Variants in NPHP1 observed in about 807,000 individuals in gnomAD.
The protein encoded by NPHP1 is nephrocystin-1.
A neutral mutation model predicts 90.4 loss-of-function variants in NPHP1; 70 were observed. The ratio of observed to expected loss-of-function variants is 0.77; its 90% CI spans 0.64 to 0.95. NPHP1 has a LOEUF of 0.95. NPHP1 is among the 40% of genes least tolerant of loss of function. The pLI is 0.00. For synonymous variants in NPHP1, 256 were observed against 271.7 expected (o/e 0.94, Z 0.57); for missense variants, 764 against 795.9 (o/e 0.96, Z 0.48).
intron 18 of NPHP1, chr2:110,128,774 T>G: frequency 4.8e-6 from 1 of 209,908 alleles, no homozygotes; most frequent in Non-Finnish European, 9.6e-6. Flanking sequence ...TTCATACGAT[T>G]TAACATAACA....
At chr2:110,176,822 A>G (rs977596515) in intron 4 of NPHP1, among the ~76,000 whole-genome samples, 2 of 152,174 alleles carry the variant, frequency 1.3e-5, no homozygotes, top group Non-Finnish European at 2.9e-5. Flanking sequence ...GTGTTTTTCC[A>G]GGACTATATG....
intron 19 of NPHP1, chr2:110,125,244 G>A (rs1189081734): frequency 1.3e-6 from 2 of 1,535,980 alleles, no homozygotes; most frequent in East Asian, 2.4e-5. Flanking sequence ...AGGTAAGCAG[G>A]AGCAATGCAT....
chr2:110,176,669 C>A (rs190572230), intron 4 of NPHP1, among the ~76,000 whole-genome samples: 12 of 152,098 alleles, frequency 7.9e-5, no homozygotes, highest in African/African-American at 4.8e-5. Flanking sequence ...AGAAGACCTA[C>A]CTCAGCTTTG....
At chr2:110,148,562 C>T (rs1289397509) in intron 12 of NPHP1, among the ~76,000 whole-genome samples, 1 of 152,074 alleles carries the variant, frequency 6.6e-6, no homozygotes, top group African/African-American at 2.4e-5. Flanking sequence ...AAACAAAAAG[C>T]AGATGGACTG....
At chr2:110,152,450 G>C (rs891940930) in intron 11 of NPHP1, among the ~76,000 whole-genome samples, 1 of 151,990 alleles carries the variant, frequency 6.6e-6, no homozygotes, top group Admixed American at 6.6e-5. Context: ...ATAGAAGATA[G>C]AAGAGTAAAG....
In NPHP1 at chr2:110,150,247, T is replaced by G. The variant is rs1260462293; in HGVS notation, c.1093A>C (p.Asn365His). 2.5e-6 allele frequency: 4 copies of G among 1,613,900 alleles called. No homozygotes were observed. Among genetic ancestry groups the G allele is most frequent in the Non-Finnish European group, 3.4e-6 (4 of 1,179,776 alleles). Residue 365 changes from asparagine (N) to histidine (H), a missense_variant, in exon 12 of 20, where the codon AAC (asparagine) becomes CAC (histidine). Transcript: ENST00000445609. ...CATGTGGCTCTGACTGTATGAATGT[T>G]GCTCAGAACCTGAAATGAGATTTTC... Reference protein sequence around the residue: ...CLFDGNKVLSNIHTVRATWQP... With the variant: ...CLFDGNKVLSHIHTVRATWQP...
intron 2 of NPHP1, among the ~76,000 whole-genome samples, chr2:110,187,839 C>G (rs1357971935): frequency 2.0e-5 from 3 of 152,040 alleles, no homozygotes; most frequent in Non-Finnish European, 4.4e-5. Context: ...GGCTTCATCC[C>G]CAGGATGAAA....
At chr2:110,194,207 T>A (rs1305678832) in intron 2 of NPHP1, among the ~76,000 whole-genome samples, 2 of 151,998 alleles carry the variant, frequency 1.3e-5, no homozygotes, top group Admixed American at 1.3e-4. Context: ...AAAAAATTAA[T>A]GAATCCAGGA....
intron 1 of NPHP1, among the ~76,000 whole-genome samples, chr2:110,203,510 C>G (rs1452372182): frequency 6.6e-6 from 1 of 152,086 alleles, no homozygotes; most frequent in Non-Finnish European, 1.5e-5. Context: ...TTATTTCTAC[C>G]AGAAGAGTAT....
At chr2:110,144,195 C>T (rs1680847297) in intron 15 of NPHP1, 4 of 406,658 alleles carry the variant, frequency 9.8e-6, no homozygotes, top group Non-Finnish European at 1.8e-5. Flanking sequence ...CATCCTTTGA[C>T]CCAGCAATAG....
At chr2:110,204,335 T>C (rs940606442) in intron 1 of NPHP1, among the ~76,000 whole-genome samples, 1 of 152,190 alleles carries the variant, frequency 6.6e-6, no homozygotes, top group Non-Finnish European at 1.5e-5. Flanking sequence ...GAAGTTAACA[T>C]TCCTCGTATG....
chr2:110,185,928 T>C (rs1394588206), intron 2 of NPHP1, among the ~76,000 whole-genome samples: 1 of 152,166 alleles, frequency 6.6e-6, no homozygotes, highest in Non-Finnish European at 1.5e-5. Flanking sequence ...TGATTCCAGG[T>C]CCTTGCTTTC....
At chr2:110,133,901 C>G (rs905826921) in intron 16 of NPHP1, among the ~76,000 whole-genome samples, 1 of 151,788 alleles carries the variant, frequency 6.6e-6, no homozygotes, top group Non-Finnish European at 1.5e-5. Context: ...AAATTTATAG[C>G]TATAAATACT....
At chr2:110,158,391 G>C (rs1227682796) in intron 11 of NPHP1, among the ~76,000 whole-genome samples, 2 of 152,004 alleles carry the variant, frequency 1.3e-5, no homozygotes, top group Admixed American at 1.3e-4. Flanking sequence ...TGAGAGAGAA[G>C]TGTTAAACTC....
chr2:110,184,844 C>T (rs764682263), intron 2 of NPHP1: 18 of 703,704 alleles, frequency 2.6e-5, no homozygotes, highest in Middle Eastern at 5.0e-4. Flanking sequence ...TTCCCAATTC[C>T]GGGCCCCTGA....
intron 16 of NPHP1, among the ~76,000 whole-genome samples, chr2:110,140,646 C>G (rs1385736954): frequency 6.6e-6 from 1 of 151,958 alleles, no homozygotes; most frequent in Non-Finnish European, 1.5e-5. Flanking sequence ...AGTGGGGAGG[C>G]CAAAGATGTA....
chr2:110,184,314 G>A, intron 2 of NPHP1: 2 of 607,758 alleles, frequency 3.3e-6, no homozygotes, highest in Non-Finnish European at 6.3e-6. Context: ...GAACGACATG[G>A]AACACATCTG....
At chr2:110,127,913 T>C (rs1237490488) in intron 18 of NPHP1, 4 of 152,158 alleles carry the variant, frequency 2.6e-5, no homozygotes, top group Non-Finnish European at 5.9e-5. Flanking sequence ...GAAATCTTTG[T>C]TGAAGAATCA....
chr2:110,186,691 A>G (rs961482205), intron 2 of NPHP1, among the ~76,000 whole-genome samples: 2 of 152,054 alleles, frequency 1.3e-5, no homozygotes, highest in Non-Finnish European at 2.9e-5. Context: ...GGTGTGTGTG[A>G]AAGCGATGTA....
Sources: allele counts gnomAD v4.1 joint callset (sites outside exome capture counted in the v4.1 genomes callset), GRCh38; gene constraint gnomAD v4.1.1; transcripts MANE v1.5; gene names NCBI Gene and HGNC (gene_info 2026-07-23, HGNC 2026-07-21).